The following SORCS2 variants were observed in gnomAD, a reference collection of about 807,000 sequenced individuals.
SORCS2 encodes VPS10 domain-containing receptor SorCS2.
Under a neutral mutation model 141.6 loss-of-function variants are expected in SORCS2, and 100 were observed. The ratio of observed to expected loss-of-function variants is 0.71; its 90% CI spans 0.60 to 0.83. SORCS2 has a LOEUF of 0.83. SORCS2 is among the 40% of genes least tolerant of loss of function. The pLI, the probability that SORCS2 is intolerant of heterozygous loss-of-function variation, is 0.00. For missense variants in SORCS2, 1,646 were observed against 1,560.2 expected (o/e 1.05, Z -0.93); for synonymous variants, 789 against 676.9 (o/e 1.17, Z -2.57).
At chr4:7,393,561 T>A (rs1246514335) in intron 1 of SORCS2, among the ~76,000 whole-genome samples, 4 of 152,124 alleles carry the variant, frequency 2.6e-5, no homozygotes, top group Non-Finnish European at 4.4e-5. Context: ...GAGTGTGTAG[T>A]TTTTGGCAAA....
At chr4:7,567,873 A>G (rs1417406116) in intron 3 of SORCS2, among the ~76,000 whole-genome samples, 1 of 152,204 alleles carries the variant, frequency 6.6e-6, no homozygotes, top group Non-Finnish European at 1.5e-5. Context: ...TTCAGCTATA[A>G]TCCAATAGTA....
chr4:7,429,981 G>A (rs755873381), intron 2 of SORCS2, among the ~76,000 whole-genome samples: 4 of 152,192 alleles, frequency 2.6e-5, no homozygotes, highest in Non-Finnish European at 1.5e-5. Flanking sequence ...ACCCCCGTCC[G>A]GTGCACAGGG....
In SORCS2 at chr4:7,733,430, C is replaced by T; in HGVS notation, c.3208+9C>T. The T allele has an allele frequency of 6.4e-7, 1 of 1,571,782 alleles. No individual in the cohort carries two copies. The highest frequency in any genetic ancestry group is 8.6e-7 in the Non-Finnish European group (1 of 1,158,338). On this transcript the variant is annotated intron_variant, in intron 24 of 26. Coordinates refer to ENST00000507866, the MANE Select transcript of SORCS2 (RefSeq NM_020777.3). ...GCGGGACACAGGCACAGGTGAGCCA[C>T]TGGGAGCTCCCCTGCGGAATGGGTG...
intron 1 of SORCS2, among the ~76,000 whole-genome samples, chr4:7,242,882 G>A (rs2108793362): frequency 6.6e-6 from 1 of 152,340 alleles, no homozygotes; most frequent in Middle Eastern, 3.4e-3. Flanking sequence ...TTCCCAAGTT[G>A]CCGTCACAAT....
chr4:7,737,459 A>AGGGAAAGGACGGGAAACAGGGCTGGCT (rs1712284538), intron 26 of SORCS2, among the ~76,000 whole-genome samples: 1 of 152,136 alleles, frequency 6.6e-6, no homozygotes, highest in Non-Finnish European at 1.5e-5. Context: ...CCATCAAGGC[A>AGGGAAAGGACGGGAAACAGGGCTGGCT]GGGAAAGGAC....
intron 5 of SORCS2, among the ~76,000 whole-genome samples, chr4:7,656,587 T>C (rs1043725487): frequency 1.3e-5 from 2 of 152,236 alleles, no homozygotes; most frequent in African/African-American, 4.8e-5. Flanking sequence ...GCTGTGGCCC[T>C]GAGACTCGGT....
chr4:7,710,147 C>G (rs192190782), intron 14 of SORCS2, among the ~76,000 whole-genome samples: 1 of 152,162 alleles, frequency 6.6e-6, no homozygotes, highest in African/African-American at 2.4e-5. Flanking sequence ...GAGACTGAGG[C>G]CTCCTGGGGG....
At chr4:7,690,434 GTGGATGGA>G (rs1162253824) in intron 11 of SORCS2, among the ~76,000 whole-genome samples, 4 of 149,876 alleles carry the variant, frequency 2.7e-5, no homozygotes, top group Middle Eastern at 3.5e-3. Flanking sequence ...GTGTGGGTGG[GTGGATGGA>G]TGGATGGATG....
At chr4:7,631,996 G>C (rs768866270) in intron 3 of SORCS2, among the ~76,000 whole-genome samples, 2 of 152,212 alleles carry the variant, frequency 1.3e-5, no homozygotes, top group African/African-American at 4.8e-5. Context: ...AGGTGACACA[G>C]ACATCAGGGG....
At chr4:7,602,209 C>T (rs551491206) in intron 3 of SORCS2, among the ~76,000 whole-genome samples, 14 of 152,048 alleles carry the variant, frequency 9.2e-5, no homozygotes, top group African/African-American at 2.4e-4. Context: ...GGGTGGCTGC[C>T]GGGCAGAGGG....
rs538246651 is a variant in SORCS2, at chr4:7,357,534, G to A, written c.481-38754G>A. 1.1e-4 allele frequency among the ~76,000 whole-genome samples: 17 copies of A among 152,306 alleles called. No individual in the cohort carries two copies. In the South Asian group the frequency reaches 2.1e-3, roughly 19 times the overall value. On this transcript the variant is annotated intron_variant, in intron 1 of 26. Transcript: ENST00000507866. Reference sequence around the variant, plus strand: ...GAGGCGTTGATTACGCACTTCACGCGGAAATAATTGCTAATCTTCAACAGT... The same window carrying A: ...GAGGCGTTGATTACGCACTTCACGCAGAAATAATTGCTAATCTTCAACAGT...
At chr4:7,422,622 G>C (rs923097432) in intron 2 of SORCS2, among the ~76,000 whole-genome samples, 1 of 152,070 alleles carries the variant, frequency 6.6e-6, no homozygotes, top group African/African-American at 2.4e-5. Flanking sequence ...TTGCCATCCA[G>C]GCCATCTCTC....
At chr4:7,309,856 C>A (rs1213141949) in intron 1 of SORCS2, among the ~76,000 whole-genome samples, 1 of 152,048 alleles carries the variant, frequency 6.6e-6, no homozygotes, top group Admixed American at 6.5e-5. Flanking sequence ...GGTCGCCAGG[C>A]CTTGGTAGGT....
In SORCS2 at chr4:7,679,853, A is replaced by G. The variant is rs563887695; in HGVS notation, c.1342-2890A>G. ...GATATTCTAAGCTGATGCTCAGCCA[A>G]TCAGACCCACCCGGGGGCCTTGGCC... On this transcript the variant is annotated intron_variant, in intron 9 of 26. Coordinates refer to ENST00000507866, the MANE Select transcript of SORCS2 (RefSeq NM_020777.3). Among the ~76,000 whole-genome samples, 25 of 152,066 alleles carry G rather than the reference A, an allele frequency of 1.6e-4. No individual in the cohort carries two copies. The South Asian group carries it at 2.9e-3, about 18-fold the overall frequency.
chr4:7,621,764 C>T (rs148046923), intron 3 of SORCS2, among the ~76,000 whole-genome samples: 9 of 152,370 alleles, frequency 5.9e-5, no homozygotes, highest in African/African-American at 2.2e-4. Context: ...GTCCACCGAG[C>T]TTCCCTGTCA....
chr4:7,613,263 G>A (rs920503241), intron 3 of SORCS2, among the ~76,000 whole-genome samples: 4 of 152,306 alleles, frequency 2.6e-5, no homozygotes, highest in East Asian at 1.9e-4. Context: ...GATACTCTAC[G>A]TCTGCAGAAA....
intron 3 of SORCS2, among the ~76,000 whole-genome samples, chr4:7,542,050 C>T (rs994393565): frequency 6.6e-6 from 1 of 152,146 alleles, no homozygotes; most frequent in African/African-American, 2.4e-5. Context: ...AGGCAATTGC[C>T]CAGCAGAGCT....
intron 2 of SORCS2, among the ~76,000 whole-genome samples, chr4:7,505,306 C>T (rs906386027): frequency 2.0e-5 from 3 of 152,236 alleles, no homozygotes; most frequent in East Asian, 1.9e-4. Context: ...CATAGGTGGC[C>T]GGCGGGGAGC....
chr4:7,642,478 T>C (rs1420570149), intron 4 of SORCS2, among the ~76,000 whole-genome samples: 2 of 152,166 alleles, frequency 1.3e-5, no homozygotes, highest in East Asian at 3.8e-4. Flanking sequence ...TTAGTTGCAG[T>C]TGTAAAAGGA....
Sources: allele counts gnomAD v4.1 joint callset (sites outside exome capture counted in the v4.1 genomes callset), GRCh38; gene constraint gnomAD v4.1.1; transcripts MANE v1.5; gene names NCBI Gene and HGNC (gene_info 2026-07-23, HGNC 2026-07-21).